CHRM3: variants seen among roughly 807,000 people sequenced by gnomAD.
CHRM3 encodes the protein cholinergic receptor muscarinic 3.
Under a neutral mutation model 41.8 loss-of-function variants are expected in CHRM3, and 11 were observed. The observed-to-expected ratio is 0.26, with a 90% CI of 0.17 to 0.44. The LOEUF is 0.44. Ranked by LOEUF, CHRM3 falls within the 20% of genes least tolerant of loss-of-function variation. The pLI is 1.00. For missense variants in CHRM3, 571 were observed against 745.4 expected, an observed-to-expected ratio of 0.77 and a Z score of 2.72; for synonymous variants, 297 against 301.4, an observed-to-expected ratio of 0.99 and a Z score of 0.15.
At chr1:239,697,456 T>C (rs1274077901) in intron 5 of CHRM3, among the ~76,000 whole-genome samples, 1 of 152,106 alleles carries the variant, frequency 6.6e-6, no homozygotes, top group Non-Finnish European at 1.5e-5. Context: ...TACAATGTCA[T>C]ACAGTAAACT....
At chr1:239,542,191 T>C (rs2148395092) in intron 2 of CHRM3, among the ~76,000 whole-genome samples, 1 of 152,266 alleles carries the variant, frequency 6.6e-6, no homozygotes, top group Admixed American at 6.5e-5. Context: ...CAGATAATAA[T>C]ACAATATTAT....
intron 1 of CHRM3, among the ~76,000 whole-genome samples, chr1:239,397,254 C>T (rs1000376617): frequency 4.6e-5 from 7 of 152,146 alleles, no homozygotes; most frequent in Non-Finnish European, 7.3e-5. Context: ...TATTTTGCTC[C>T]ATAAAGAATA....
Position 239,908,364 on chromosome 1 carries a change from A to T in CHRM3, c.913A>T (p.Arg305Trp). 1.9e-6 allele frequency: 3 copies of T among 1,614,094 alleles called. No homozygotes were observed. The highest frequency in any genetic ancestry group is 2.5e-6 in the Non-Finnish European group (3 of 1,180,026). ...ACAGCAAAGCATGAAACGCTCCAAC[A>T]GGAGGAAGTATGGCCGCTGCCACTT... ...LQQQSMKRSN[R>W]RKYGRCHFWF... Residue 305 changes from arginine (R) to tryptophan (W), a missense_variant, in exon 7 of 7, where the codon AGG becomes TGG. Arg to Trp is a moderately radical substitution (Grantham distance 101). Transcript: ENST00000676153. The surrounding 1 kb of genome is among the most constrained non-coding windows in gnomAD (Gnocchi z 7.2).
At chr1:239,659,581 G>T (rs1558428058) in intron 4 of CHRM3, among the ~76,000 whole-genome samples, 1 of 152,224 alleles carries the variant, frequency 6.6e-6, no homozygotes, top group African/African-American at 2.4e-5. Flanking sequence ...AATGCGACTA[G>T]TGGCACTTGA....
chr1:239,638,512 A>T, intron 4 of CHRM3, among the ~76,000 whole-genome samples: 1 of 152,174 alleles, frequency 6.6e-6, no homozygotes, highest in South Asian at 2.1e-4. Context: ...TCTGATGGCC[A>T]GTGATGATGA....
chr1:239,453,852 C>T (rs1664737928), intron 1 of CHRM3, among the ~76,000 whole-genome samples: 1 of 152,000 alleles, frequency 6.6e-6, no homozygotes, highest in South Asian at 2.1e-4. Context: ...TGGGGAAGGC[C>T]TCAAAACCAC....
chr1:239,601,597 C>T (rs531376105), intron 3 of CHRM3, among the ~76,000 whole-genome samples: 12 of 151,660 alleles, frequency 7.9e-5, no homozygotes, highest in African/African-American at 2.4e-4. Context: ...AACAAATTAA[C>T]CACTCTGAAC....
At chr1:239,656,280 G>T (rs533202423) in intron 4 of CHRM3, among the ~76,000 whole-genome samples, 1 of 151,848 alleles carries the variant, frequency 6.6e-6, no homozygotes, top group African/African-American at 2.4e-5. Context: ...TAATAAACTT[G>T]TACGTGTACC....
At chr1:239,703,037 C>G (rs1003122386) in intron 5 of CHRM3, among the ~76,000 whole-genome samples, 1 of 152,116 alleles carries the variant, frequency 6.6e-6, no homozygotes, top group Non-Finnish European at 1.5e-5. Flanking sequence ...GTATCACCAC[C>G]CCAGAAATAT....
chr1:239,700,605 C>T (rs1660252031), intron 5 of CHRM3, among the ~76,000 whole-genome samples: 1 of 152,114 alleles, frequency 6.6e-6, no homozygotes, highest in Admixed American at 6.6e-5. Context: ...CTGTCCCCTG[C>T]AGCATATGCC....
At chr1:239,520,511 C>T in intron 2 of CHRM3, among the ~76,000 whole-genome samples, 1 of 152,184 alleles carries the variant, frequency 6.6e-6, no homozygotes, top group Non-Finnish European at 1.5e-5. Context: ...TCTCTGGCTT[C>T]ACCCTCCACC....
chr1:239,476,077 G>GT (rs36026730), intron 1 of CHRM3, among the ~76,000 whole-genome samples: 51 of 150,668 alleles, frequency 3.4e-4, no homozygotes, highest in Admixed American at 9.3e-4. Flanking sequence ...TTTCTAGTTA[G>GT]TTTTTTTTTT....
chr1:239,844,784 G>C (rs1674125082), intron 6 of CHRM3, among the ~76,000 whole-genome samples: 1 of 152,198 alleles, frequency 6.6e-6, no homozygotes, highest in Non-Finnish European at 1.5e-5. Context: ...TTATTGGTGA[G>C]TAAGTGGCAT....
chr1:239,569,516 T>G (rs750665140), intron 3 of CHRM3, among the ~76,000 whole-genome samples: 28 of 152,194 alleles, frequency 1.8e-4, no homozygotes, highest in Admixed American at 3.9e-4. Flanking sequence ...GTATTTTCAG[T>G]AAGTTCGTTG....
At chr1:239,443,283 A>T (rs73114802) in intron 1 of CHRM3, among the ~76,000 whole-genome samples, 310 of 152,350 alleles carry the variant, frequency 2.0e-3, no homozygotes, top group African/African-American at 7.1e-3. Flanking sequence ...TGATGATTGT[A>T]TAATTTGTCT....
chr1:239,736,164 C>A (rs994548465), intron 5 of CHRM3, among the ~76,000 whole-genome samples: 9 of 151,966 alleles, frequency 5.9e-5, no homozygotes, highest in African/African-American at 2.2e-4. Context: ...TTAATCTTCA[C>A]AAAAGTCCCA....
chr1:239,403,533 T>C (rs1232897638), intron 1 of CHRM3, among the ~76,000 whole-genome samples: 3 of 152,202 alleles, frequency 2.0e-5, no homozygotes, highest in African/African-American at 7.2e-5. Context: ...TGGAGCATTG[T>C]TTTTGTAGAT....
chr1:239,636,491 G>C (rs934900631), intron 4 of CHRM3, among the ~76,000 whole-genome samples: 2 of 152,124 alleles, frequency 1.3e-5, no homozygotes, highest in Non-Finnish European at 2.9e-5. Context: ...CTAGAAAAAC[G>C]TCTTATCTGT....
At chr1:239,781,316 A>G (rs1475373994) in intron 5 of CHRM3, among the ~76,000 whole-genome samples, 1 of 152,148 alleles carries the variant, frequency 6.6e-6, no homozygotes, top group Non-Finnish European at 1.5e-5. Flanking sequence ...TCCTCATGTC[A>G]ATCTTACACT....
Sources: gnomAD v4.1 joint callset for allele counts (sites outside exome capture counted in the v4.1 genomes callset) on GRCh38, gnomAD v4.1.1 for gene constraint, Gnocchi (gnomAD v3.1) non-coding constraint, MANE v1.5 for transcripts, NCBI Gene and HGNC (gene_info 2026-07-23, HGNC 2026-07-21) for gene names.